SCYL1: variants seen among roughly 807,000 people sequenced by gnomAD.
SCYL1 encodes SCY1 like pseudokinase 1, also known as N-terminal kinase-like protein.
Under a neutral mutation model 94.8 loss-of-function variants are expected in SCYL1, and 85 were observed. That is an observed-to-expected ratio of 0.90 (90% CI 0.75 to 1.07). The LOEUF is 1.07. Among genes scored for constraint, SCYL1 ranks in the 50% least tolerant of loss-of-function variants. SCYL1 has a pLI of 0.00. For missense variants in SCYL1, 968 were observed against 1,083.3 expected (o/e 0.89, Z 1.49); for synonymous variants, 459 against 435.5 (o/e 1.05, Z -0.67).
chr11:65,528,333 C>T (rs541125866), intron 6 of SCYL1, among the ~76,000 whole-genome samples: 252 of 152,222 alleles, frequency 1.7e-3, no homozygotes, highest in Middle Eastern at 6.8e-3. Context: ...CCCGGCTACT[C>T]AGGAAGGCTG....
At position 65,531,675 on chromosome 11, in the gene SCYL1, C is replaced by T. The variant is rs1855371199; in HGVS notation, c.1108C>T (p.Leu370=). 2 of 1,612,720 alleles carry T rather than the reference C, an allele frequency of 1.2e-6. No homozygotes were observed. Among genetic ancestry groups the T allele is most frequent in the South Asian group, 1.1e-5 (1 of 91,060 alleles). The change falls in exon 8 of 18, where the codon CTG becomes TTG. Residue 370 remains leucine, a synonymous_variant. Transcript: ENST00000270176. The part of the protein sequence containing the change: ...STDRAMRIRL[L]QQMEQFIQYL... Reference sequence around the variant, plus strand: ...TGACCGGGCCATGCGCATCCGCCTCCTGCAGCAGGTGAGGCCTCTGTACCA... The same window carrying T: ...TGACCGGGCCATGCGCATCCGCCTCTTGCAGCAGGTGAGGCCTCTGTACCA...
At position 65,526,023 on chromosome 11, in the gene SCYL1, T is replaced by TG. The variant is rs1326650821; in HGVS notation, c.360dup (p.Leu121AlafsTer62). 6.2e-7 allele frequency: 1 copy of TG among 1,612,604 alleles called. No homozygotes were observed. The highest frequency in any genetic ancestry group is 8.5e-7 in the Non-Finnish European group (1 of 1,179,738). On this transcript the variant is annotated frameshift_variant, in exon 3 of 18. Transcript: ENST00000270176. LOFTEE classifies it high-confidence loss of function. The surrounding 1 kb of genome is among the most constrained non-coding windows in gnomAD (Gnocchi z 4.1). ...TGGCCTGAAGGAGCTGGAGATCTCC[T>TG]GGGGGCTACACCAGATCGTGGTGAG...
At chr11:65,525,288 G>A in intron 1 of SCYL1, 24 bp downstream of exon 1, 1 of 1,392,428 alleles carries the variant, frequency 7.2e-7, no homozygotes, top group South Asian at 1.5e-5. Context: ...AGCTCCGTAG[G>A]CCGCGGTCGA....
Position 65,537,115 on chromosome 11 carries a change from G to A in SCYL1, c.1946G>A (p.Trp649Ter). 6.2e-7 allele frequency: 1 copy of A among 1,614,146 alleles called. No individual in the cohort carries two copies. Among genetic ancestry groups the A allele is most frequent in the Non-Finnish European group, 8.5e-7 (1 of 1,180,008 alleles). ...GCTGACAGATGGGACGACGAAGACT[G>A]GGGCAGCCTGGAGGTGTGTGGGGCT... Reference protein sequence around the residue: ...STADRWDDEDWGSLEQEAESV... With the variant: ...STADRWDDED The change falls in exon 14 of 18, where the codon TGG becomes TAG. Residue 649 changes from tryptophan (W) to a stop codon, truncating the protein, a stop_gained. Transcript: ENST00000270176. LOFTEE classifies it high-confidence loss of function.
rs1419276561 is a variant in SCYL1, at chr11:65,538,483, C to T, written c.2344C>T (p.Arg782Trp). 1.3e-6 allele frequency: 2 copies of T among 1,590,484 alleles called. No homozygotes were observed. The highest frequency in any genetic ancestry group is 1.8e-5 in the Admixed American group (1 of 56,780). ...AELARKKREE[R>W]RREMEAKRAE... is the part of the protein sequence containing the mutation. ...GCTGGCCCGGAAGAAGCGCGAGGAG[C>T]GGCGGCGGGAGATGGAGGCCAAACG... Residue 782 changes from arginine (R) to tryptophan (W), a missense_variant, in exon 18 of 18, where the codon CGG becomes TGG. Transcript: ENST00000270176.
At position 65,535,972 on chromosome 11, in the gene SCYL1, C is replaced by T. The variant is rs1339400003; in HGVS notation, c.1406C>T (p.Thr469Ile). 1 of 1,606,678 alleles carries T rather than the reference C, an allele frequency of 6.2e-7. No individual in the cohort carries two copies. ...LSASTRHRVL[T>I]SAFSRATRDP... is the part of the protein sequence containing the mutation. ...TCGTAGACCAGACACAGGGTCCTTA[C>T]CTCTGCCTTCAGCCGAGCCACTAGG... Residue 469 changes from threonine to isoleucine, a missense_variant, in exon 11 of 18, where the codon ACC becomes ATC. Physicochemically the swap from Thr to Ile is moderately conservative, Grantham distance 89 (BLOSUM62 -1). Coordinates refer to ENST00000270176, the MANE Select transcript of SCYL1 (RefSeq NM_020680.4).
intron 6 of SCYL1, among the ~76,000 whole-genome samples, 188 bp from the exon 7 acceptor site, chr11:65,530,441 G>A (rs895300679): frequency 3.3e-5 from 5 of 152,122 alleles, no homozygotes; most frequent in East Asian, 1.9e-4. Context: ...GAACTATCCC[G>A]TAGATGGTAG....
chr11:65,528,357 G>A (rs373005528), intron 6 of SCYL1, among the ~76,000 whole-genome samples: 147 of 152,234 alleles, frequency 9.7e-4, no homozygotes, highest in Admixed American at 2.0e-3. Flanking sequence ...CAGGAAAATC[G>A]CTTGAACCTG....
At chr11:65,537,721 G>A (rs1341644418) in intron 14 of SCYL1, 88 bp from the exon 15 acceptor site, 23 of 1,177,882 alleles carry the variant, frequency 2.0e-5, no homozygotes, top group Non-Finnish European at 2.5e-5. Flanking sequence ...AAAGACAGTG[G>A]TGGGGCCCGT....
intron 15 of SCYL1, 23 bp from the exon 16 acceptor site, chr11:65,537,944 T>C (rs1160216397): frequency 1.1e-5 from 18 of 1,597,762 alleles, no homozygotes; most frequent in Non-Finnish European, 1.5e-5. Flanking sequence ...CCAGGGCTAC[T>C]TCCCCCTCCC....
At chr11:65,537,160 A>C (rs528759277) in intron 14 of SCYL1, 32 bp downstream of exon 14, 1 of 1,611,916 alleles carries the variant, frequency 6.2e-7, no homozygotes, top group Admixed American at 1.7e-5. Flanking sequence ...TCCCCAGGGG[A>C]CCCCAGCTCA....
Position 65,538,587 on chromosome 11 carries a change from C to T in SCYL1, c.*21C>T, listed in dbSNP as rs1396254392. ...ACTGAACCGTGGCGGTGGCCCTTCC[C>T]GGCTGCGGAGAGCCCGCCCCACAGA... On this transcript the variant is annotated 3_prime_UTR_variant, in exon 18 of 18. Coordinates refer to ENST00000270176, the MANE Select transcript of SCYL1 (RefSeq NM_020680.4). 2.5e-6 allele frequency: 4 copies of T among 1,603,966 alleles called. No homozygotes were observed. The highest frequency in any genetic ancestry group is 1.7e-4 in the Middle Eastern group (1 of 6,046).
intron 15 of SCYL1, 21 bp from the exon 16 acceptor site, chr11:65,537,946 C>T (rs770309960): frequency 6.3e-7 from 1 of 1,597,966 alleles, no homozygotes; most frequent in Non-Finnish European, 8.5e-7. Flanking sequence ...AGGGCTACTT[C>T]CCCCTCCCGC....
At chr11:65,537,631 G>A (rs1265935637) in intron 14 of SCYL1, among the ~76,000 whole-genome samples, 178 bp from the exon 15 acceptor site, 1 of 152,170 alleles carries the variant, frequency 6.6e-6, no homozygotes, top group Non-Finnish European at 1.5e-5. Flanking sequence ...CAGCCTTAAA[G>A]AGGGGTGAGG....
At chr11:65,529,719 C>T (rs376845704) in intron 6 of SCYL1, among the ~76,000 whole-genome samples, 1 of 152,200 alleles carries the variant, frequency 6.6e-6, no homozygotes, top group East Asian at 1.9e-4. Context: ...CCTGGCCACT[C>T]TTGGCTGCTG....
intron 8 of SCYL1, 44 bp downstream of exon 8, chr11:65,531,727 C>T (rs1156928853): frequency 2.0e-6 from 3 of 1,474,134 alleles, no homozygotes; most frequent in Admixed American, 3.4e-5. Flanking sequence ...ACCCAGACCC[C>T]AACCTGGTGG....
At chr11:65,533,290 C>T (rs1278884562) in intron 9 of SCYL1, 3 of 160,366 alleles carry the variant, frequency 1.9e-5, no homozygotes, top group Non-Finnish European at 4.1e-5. Flanking sequence ...GGGATGGTGG[C>T]GCATGCCTGT....
intron 6 of SCYL1, among the ~76,000 whole-genome samples, chr11:65,529,437 G>A (rs1855259343): frequency 1.3e-5 from 2 of 152,222 alleles, no homozygotes; most frequent in South Asian, 4.1e-4. Context: ...TCTTCCCATT[G>A]TTAGGTGGAG....
In SCYL1 at chr11:65,531,703, C is replaced by G. The variant is rs1383675521; in HGVS notation, c.1116+20C>G. The G allele has an allele frequency of 1.3e-6, 2 of 1,579,930 alleles. No homozygotes were observed. The highest frequency in any genetic ancestry group is 3.3e-5 in the Admixed American group (2 of 59,954). On this transcript the variant is annotated intron_variant, in intron 8 of 17. Coordinates refer to ENST00000270176, the MANE Select transcript of SCYL1 (RefSeq NM_020680.4). The stretch of plus-strand genomic sequence containing the variant: ...CAGCAGGTGAGGCCTCTGTACCAGA[C>G]TCTGTGGTGGTCCACCCAGACCCCA...
Sources: gnomAD v4.1 joint callset for allele counts (sites outside exome capture counted in the v4.1 genomes callset) on GRCh38, gnomAD v4.1.1 for gene constraint, Gnocchi (gnomAD v3.1) non-coding constraint, MANE v1.5 for transcripts, NCBI Gene and HGNC (gene_info 2026-07-23, HGNC 2026-07-21) for gene names.